The following XIRP2 variants were observed in gnomAD, a reference collection of about 807,000 sequenced individuals.
XIRP2 encodes xin actin binding repeat containing 2, also known as xin actin-binding repeat-containing protein 2.
In XIRP2, 236 loss-of-function variants were observed where a neutral mutation model predicts 277.0. That is an observed-to-expected ratio of 0.85 (90% CI 0.77 to 0.95). The LOEUF is 0.95. Ranked by LOEUF, XIRP2 falls within the 40% of genes least tolerant of loss-of-function variation. The pLI is 0.00. For missense variants in XIRP2, 4,640 were observed against 4,157.5 expected (o/e 1.12, Z -3.19); for synonymous variants, 1,490 against 1,416.5 (o/e 1.05, Z -1.17).
chr2:166,912,174 G>A (rs1264548374), intron 2 of XIRP2, among the ~76,000 whole-genome samples: 1 of 152,140 alleles, frequency 6.6e-6, no homozygotes, highest in African/African-American at 2.4e-5. Flanking sequence ...GGTTGGGGAA[G>A]TTCTCCTGGA....
At chr2:167,086,150 T>C (rs1341681701) in intron 2 of XIRP2, among the ~76,000 whole-genome samples, 1 of 152,154 alleles carries the variant, frequency 6.6e-6, no homozygotes, top group Non-Finnish European at 1.5e-5. Flanking sequence ...GGTGACAAAA[T>C]CTCTCAGCAT....
At chr2:166,931,017 A>G (rs1290363966) in intron 2 of XIRP2, among the ~76,000 whole-genome samples, 1 of 152,146 alleles carries the variant, frequency 6.6e-6, no homozygotes, top group African/African-American at 2.4e-5. Flanking sequence ...ATACAATGCA[A>G]TATTTCTTTG....
intron 2 of XIRP2, among the ~76,000 whole-genome samples, chr2:167,015,506 A>T (rs779540174): frequency 6.6e-5 from 10 of 151,346 alleles, no homozygotes; most frequent in Non-Finnish European, 1.5e-4. Context: ...GTTTCCTTTC[A>T]TGCCTATTTT....
At chr2:167,162,711 A>G (rs769319623) in intron 3 of XIRP2, among the ~76,000 whole-genome samples, 9 of 152,194 alleles carry the variant, frequency 5.9e-5, no homozygotes, top group Non-Finnish European at 1.0e-4. Flanking sequence ...TTATTGAGGT[A>G]TAATTTACAC....
At chr2:167,240,639 A>G (rs1695036548) in intron 6 of XIRP2, 25 bp from the exon 7 acceptor site, 2 of 1,603,076 alleles carry the variant, frequency 1.2e-6, no homozygotes, top group East Asian at 4.5e-5. Context: ...AAAACAATTT[A>G]TTTTCAAATT....
At chr2:167,038,156 G>A (rs967134207) in intron 2 of XIRP2, among the ~76,000 whole-genome samples, 2 of 151,880 alleles carry the variant, frequency 1.3e-5, no homozygotes, top group Non-Finnish European at 2.9e-5. Flanking sequence ...TTTGAGTTAT[G>A]TGCATTTTTG....
chr2:166,890,606 T>C (rs865992505), intron 1 of XIRP2, among the ~76,000 whole-genome samples: 1 of 152,190 alleles, frequency 6.6e-6, no homozygotes, highest in Admixed American at 6.5e-5. Context: ...ACACTGAGAT[T>C]CATATTTGAA....
intron 2 of XIRP2, among the ~76,000 whole-genome samples, chr2:166,936,105 TA>T (rs1472243168): frequency 1.3e-5 from 2 of 152,246 alleles, no homozygotes; most frequent in African/African-American, 2.4e-5. Flanking sequence ...ATTGCCATTC[TA>T]ACTGGTGTGA....
rs34827020 is a variant in XIRP2, at chr2:166,982,327, T to TAA, written c.408+78446_408+78447dup. Among the ~76,000 whole-genome samples, 1,257 of 146,562 alleles carry TAA rather than the reference T, an allele frequency of 8.6e-3. 9 individuals carry two copies. The highest frequency in any genetic ancestry group is 0.04 in the East Asian group (201 of 5,076). ...TATGTTTAGGTACAGTTTTTTTTTT[T>TAA]AAAAAAAAAACAGTCTGGGTTAATA... On this transcript the variant is annotated intron_variant, in intron 2 of 10. Transcript: ENST00000409195.
At chr2:167,025,095 C>T (rs9751861) in intron 2 of XIRP2, among the ~76,000 whole-genome samples, 64,829 of 151,506 alleles carry the variant, frequency 0.43, 16,616 homozygotes, top group East Asian at 0.82. Context: ...GGACTCTTTA[C>T]GGTTGGTAAG....
intron 3 of XIRP2, among the ~76,000 whole-genome samples, chr2:167,205,457 T>G (rs968535851): frequency 1.3e-5 from 2 of 152,154 alleles, no homozygotes; most frequent in Non-Finnish European, 2.9e-5. Context: ...CAGCTATTAT[T>G]TTCCCATAAA....
rs577694796 is a variant in XIRP2, at chr2:166,969,798, A to G, written c.408+65908A>G. On this transcript the variant is annotated intron_variant, in intron 2 of 10. Coordinates refer to ENST00000409195, the MANE Select transcript of XIRP2 (RefSeq NM_152381.6). ...CTGATGCCAGAAAGCAAATGAAGGGAACAAATGTTAAATGCAAAAGGTTAG... is the reference window on the plus strand; with the variant it reads ...CTGATGCCAGAAAGCAAATGAAGGGGACAAATGTTAAATGCAAAAGGTTAG... Among the ~76,000 whole-genome samples, 6 of 152,028 alleles carry G rather than the reference A, an allele frequency of 3.9e-5. 1 individual carries two copies. The South Asian group carries it at 1.0e-3, about 26-fold the overall frequency.
chr2:167,101,544 C>T (rs1690487163), intron 2 of XIRP2, among the ~76,000 whole-genome samples: 1 of 152,180 alleles, frequency 6.6e-6, no homozygotes, highest in South Asian at 2.1e-4. Context: ...TAGCTTAGCT[C>T]CCAGTTATGA....
At chr2:167,209,587 C>T (rs1248970164) in intron 3 of XIRP2, among the ~76,000 whole-genome samples, 1 of 151,980 alleles carries the variant, frequency 6.6e-6, no homozygotes, top group African/African-American at 2.4e-5. Context: ...AGAGTGAAGG[C>T]AGGAGATGCA....
rs1463848448 is a variant in XIRP2 at position 167,247,148 on chromosome 2, A to G, written c.5756A>G (p.Lys1919Arg). The G allele has an allele frequency of 6.2e-7, 1 of 1,613,602 alleles. No individual in the cohort carries two copies. Among genetic ancestry groups the G allele is most frequent in the Admixed American group, 1.7e-5 (1 of 59,920 alleles). The change falls in exon 9 of 11, where the codon AAA becomes AGA. Residue 1919 changes from lysine (K) to arginine (R), a missense_variant. Coordinates refer to ENST00000409195, the MANE Select transcript of XIRP2 (RefSeq NM_152381.6). ...KTEILKKELL[K>R]DDLETSLRSL... ...GAAATTCTGAAAAAGGAGCTTCTCA[A>G]AGATGACCTGGAAACATCACTAAGG...
At chr2:166,948,580 A>T (rs949747893) in intron 2 of XIRP2, among the ~76,000 whole-genome samples, 1 of 152,088 alleles carries the variant, frequency 6.6e-6, no homozygotes, top group African/African-American at 2.4e-5. Context: ...CATTTCACAG[A>T]TAATGGTACT....
At chr2:166,892,985 C>CACACACAA (rs1394629853) in intron 1 of XIRP2, among the ~76,000 whole-genome samples, 1 of 149,252 alleles carries the variant, frequency 6.7e-6, no homozygotes, top group Admixed American at 6.7e-5. Context: ...TGTATATACA[C>CACACACAA]ACACACACAC....
intron 2 of XIRP2, among the ~76,000 whole-genome samples, chr2:166,988,515 G>C (rs931625044): frequency 2.2e-5 from 3 of 134,146 alleles, no homozygotes; most frequent in South Asian, 2.4e-4. Context: ...CGTGAGCGAC[G>C]CAGAAGACAG....
intron 2 of XIRP2, among the ~76,000 whole-genome samples, chr2:166,917,960 A>G (rs1684934509): frequency 6.6e-6 from 1 of 152,124 alleles, no homozygotes; most frequent in East Asian, 1.9e-4. Context: ...CTTTTCAAAA[A>G]TCTTCTCACA....
Sources: gnomAD v4.1 joint callset for allele counts (sites outside exome capture counted in the v4.1 genomes callset) on GRCh38, gnomAD v4.1.1 for gene constraint, MANE v1.5 for transcripts, NCBI Gene and HGNC (gene_info 2026-07-23, HGNC 2026-07-21) for gene names.